The following SLC19A1 variants were observed in gnomAD, a reference collection of about 807,000 sequenced individuals.
SLC19A1 encodes reduced folate transporter.
A neutral mutation model predicts 35.3 loss-of-function variants in SLC19A1; 37 were observed. That is an observed-to-expected ratio of 1.05 (90% CI 0.81 to 1.38). The LOEUF is 1.38. SLC19A1 is among the 40% of genes most tolerant of loss of function. SLC19A1 has a pLI of 0.00. For synonymous variants in SLC19A1, 460 were observed against 398.5 expected (o/e 1.15, Z -1.84); for missense variants, 831 against 826.9 (o/e 1.00, Z -0.06).
chr21:45,506,085 C>A, intron 3 of SLC19A1: 1 of 1,483,770 alleles, frequency 6.7e-7, no homozygotes, highest in Non-Finnish European at 9.3e-7. Context: ...GCAGCCAGCG[C>A]TTCTTAAACT....
At chr21:45,508,112 CGGGTGAGTGGACGGGTGGGT>C (rs1288596554), downstream of SLC19A1, among the ~76,000 whole-genome samples, 2 of 100,264 alleles carry the variant, frequency 2.0e-5, no homozygotes, top group African/African-American at 3.9e-5. Flanking sequence ...GGTGGTCAGG[CGGGTGAGTGGACGGGTGGGT>C]GGGTGGATGG....
chr21:45,503,681 A>C (rs866927327), intron 3 of SLC19A1, among the ~76,000 whole-genome samples: 1 of 151,162 alleles, frequency 6.6e-6, no homozygotes, highest in Non-Finnish European at 1.5e-5. Context: ...GATATACCTA[A>C]TGCTAGATGA....
intron 3 of SLC19A1, chr21:45,503,847 CAG>C (rs2037018037): frequency 1.9e-6 from 1 of 525,060 alleles, no homozygotes; most frequent in South Asian, 3.2e-5. Flanking sequence ...ACAAAAACAT[CAG>C]AAAGTATCGG....
downstream of SLC19A1, chr21:45,512,144 C>T (rs1204729010): frequency 3.2e-6 from 5 of 1,580,066 alleles, no homozygotes; most frequent in Admixed American, 8.9e-5. Flanking sequence ...CTGCCCTAAG[C>T]AGAGCAGGTC....
At chr21:45,525,264 G>A (rs1276038253) in intron 5 of SLC19A1, among the ~76,000 whole-genome samples, 1 of 152,230 alleles carries the variant, frequency 6.6e-6, no homozygotes, top group African/African-American at 2.4e-5. Flanking sequence ...GAGCCTGGAA[G>A]GACCTCTCAC....
chr21:45,525,773 AAGT>A (rs1568986518), intron 5 of SLC19A1, 41 bp downstream of exon 5: 1 of 1,604,042 alleles, frequency 6.2e-7, no homozygotes, highest in Admixed American at 1.7e-5. Context: ...ATGTCCCCAC[AAGT>A]AGCTTCCATC....
In SLC19A1 at chr21:45,516,203, C is replaced by G. The variant is rs116076967; in HGVS notation, c.1294-63G>C. On this transcript the variant is annotated intron_variant, in intron 5 of 5. Transcript: ENST00000311124. ...CTGGCTGGGACACTGGCACCCTACA[C>G]CCCGACGCCTGCTCCCAGGCTCACC... 1,698 of 1,316,530 alleles carry G rather than the reference C, an allele frequency of 1.3e-3. 24 individuals carry two copies. The African/African-American group carries it at 0.022, about 17-fold the overall frequency. The allele number at this position is 1,316,530 out of a possible 1,614,324, so 81.6% of individuals were successfully genotyped here.
chr21:45,526,340 T>C (rs967934732), intron 4 of SLC19A1, among the ~76,000 whole-genome samples: 1 of 152,224 alleles, frequency 6.6e-6, no homozygotes, highest in Admixed American at 6.5e-5. Context: ...TCATATGCAC[T>C]GTACACACAC....
chr21:45,509,859 G>A (rs574517526), downstream of SLC19A1, among the ~76,000 whole-genome samples: 97 of 152,332 alleles, frequency 6.4e-4, no homozygotes, highest in African/African-American at 2.3e-3. Context: ...GCAGCTGGGG[G>A]CACCCACGTG....
At chr21:45,522,564 T>C (rs146618912) in intron 5 of SLC19A1, among the ~76,000 whole-genome samples, 211 of 152,310 alleles carry the variant, frequency 1.4e-3, no homozygotes, top group East Asian at 5.8e-3. Flanking sequence ...AGCAGCTTTA[T>C]TGGTAATACC....
chr21:45,525,286 C>T (rs905042861), intron 5 of SLC19A1, among the ~76,000 whole-genome samples: 1 of 152,256 alleles, frequency 6.6e-6, no homozygotes, highest in Non-Finnish European at 1.5e-5. Flanking sequence ...CCACGCCCAC[C>T]ATGGCTGATT....
downstream of SLC19A1, among the ~76,000 whole-genome samples, chr21:45,508,245 G>A (rs566894254): frequency 4.7e-5 from 6 of 128,168 alleles, no homozygotes; most frequent in African/African-American, 1.5e-4. Context: ...AAGTGGGTGA[G>A]TGGATGGTGG....
chr21:45,530,969 C>A lies in SLC19A1; in HGVS notation c.952G>T (p.Ala318Ser). Residue 318 changes from alanine to serine, a missense_variant and splice_region_variant, in exon 4 of 6, where the codon GCC becomes TCC. Ala to Ser is a moderately conservative substitution (Grantham distance 99). Transcript: ENST00000311124. The surrounding 1 kb of genome is among the most constrained non-coding windows in gnomAD (Gnocchi z 5.3). Reference sequence around the variant, plus strand: ...AAGCCCGCGGCGAAGGACGTGATGGCGCCTGAGAGGGGAGGGATGGGGCGT... The same window carrying A: ...AAGCCCGCGGCGAAGGACGTGATGGAGCCTGAGAGGGGAGGGATGGGGCGT... ...AADAASTLLGAITSFAAGFVK... is the reference protein window; with the variant it reads ...AADAASTLLGSITSFAAGFVK... 1 of 1,418,514 alleles carries A rather than the reference C, an allele frequency of 7.0e-7. No individual in the cohort carries two copies. The allele number at this position is 1,418,514 out of a possible 1,614,324, so 87.9% of individuals were successfully genotyped here.
chr21:45,543,535 G>A (rs557135112), upstream of SLC19A1, among the ~76,000 whole-genome samples: 35 of 152,270 alleles, frequency 2.3e-4, no homozygotes, highest in African/African-American at 7.0e-4. Context: ...CTGGTGTTGC[G>A]GGGGTGCTCT....
chr21:45,531,405 A>C lies in SLC19A1; in HGVS notation c.933T>G (p.Ala311=), dbSNP rs1191288555. The C allele has an allele frequency of 6.3e-7, 1 of 1,586,672 alleles. No homozygotes were observed. Among genetic ancestry groups the C allele is most frequent in the East Asian group, 2.2e-5 (1 of 44,604 alleles). ...CATGCGTACCCAGCAGCGTGGAGGC[A>C]GCATCTGCCGCGCCGTTGTAGACCC... ...SARVYNGAAD[A]ASTLLGAITS... is the part of the protein sequence containing the mutation. The change falls in exon 3 of 6, where the codon GCT becomes GCG. Residue 311 remains alanine, a synonymous_variant. Coordinates refer to ENST00000311124, the MANE Select transcript of SLC19A1 (RefSeq NM_194255.4).
rs1466050965 is a variant in SLC19A1, at chr21:45,531,896, G to A, written c.442C>T (p.Arg148Cys). The A allele has an allele frequency of 1.9e-6, 3 of 1,588,440 alleles. No individual in the cohort carries two copies. The highest frequency in any genetic ancestry group is 2.7e-5 in the African/African-American group (2 of 74,394). The change falls in exon 3 of 6, where the codon CGC becomes TGC. Residue 148 changes from arginine to cysteine, a missense_variant. Coordinates refer to ENST00000311124, the MANE Select transcript of SLC19A1 (RefSeq NM_194255.4). ...SYIFSLVRPARYQRVAGYSRA... is the reference protein window; with the variant it reads ...SYIFSLVRPACYQRVAGYSRA... ...GAGTAGCCGGCCACACGCTGGTAGCGCGCGGGCCGCACGAGAGAGAAGATG... is the reference window on the plus strand; with the variant it reads ...GAGTAGCCGGCCACACGCTGGTAGCACGCGGGCCGCACGAGAGAGAAGATG...
In SLC19A1 at chr21:45,530,715, G is replaced by C. The variant is rs530723803; in HGVS notation, c.1151+55C>G. 2.0e-5 allele frequency: 30 copies of C among 1,514,500 alleles called. No individual in the cohort carries two copies. In the African/African-American group the frequency reaches 3.9e-4, roughly 20 times the overall value. 93.8% of individuals were successfully genotyped at this position (1,514,500 alleles called of 1,614,324 possible). The stretch of plus-strand genomic sequence containing the variant: ...AAGGTGGGAGCACCCAGCGAAGCGC[G>C]GGGCTTGATCCTGGCGCCTGCCCGC... On this transcript the variant is annotated intron_variant, in intron 4 of 5. Transcript: ENST00000311124. This position sits in a 1 kb window ranked among gnomAD's most constrained non-coding sequence, Gnocchi z 5.3.
chr21:45,512,410 A>T (rs981074972), downstream of SLC19A1: 14 of 1,611,284 alleles, frequency 8.7e-6, no homozygotes, highest in Non-Finnish European at 1.2e-5. Flanking sequence ...CACCGCCTGG[A>T]TGCGGATGGC....
upstream of SLC19A1, among the ~76,000 whole-genome samples, chr21:45,545,634 TAC>T (rs1194455350): frequency 6.6e-6 from 1 of 151,630 alleles, no homozygotes; most frequent in East Asian, 1.9e-4. Flanking sequence ...TATGCACAGA[TAC>T]AGAGACGTAA....
Sources: allele counts gnomAD v4.1 joint callset (sites outside exome capture counted in the v4.1 genomes callset), GRCh38; gene constraint gnomAD v4.1.1; non-coding constraint Gnocchi (gnomAD v3.1); transcripts MANE v1.5; gene names NCBI Gene and HGNC (gene_info 2026-07-23, HGNC 2026-07-21).